The following DMXL1 variants were observed in gnomAD, a reference collection of about 807,000 sequenced individuals.
DMXL1 encodes dmX-like protein 1.
Under a neutral mutation model 319.2 loss-of-function variants are expected in DMXL1, and 99 were observed. The observed-to-expected ratio is 0.31, with a 90% CI of 0.26 to 0.37. The LOEUF (loss-of-function observed/expected upper bound fraction) is 0.37. Among genes scored for constraint, DMXL1 ranks in the 10% least tolerant of loss-of-function variants. The pLI, the probability that DMXL1 is intolerant of heterozygous loss-of-function variation, is 1.00. For synonymous variants in DMXL1, 1,385 were observed against 1,235.2 expected (o/e 1.12, Z -2.54); for missense variants, 3,745 against 3,595.6 (o/e 1.04, Z -1.06).
chr5:119,170,201 T>G lies in DMXL1; in HGVS notation c.5410T>G (p.Ser1804Ala). 1 of 1,592,216 alleles carries G rather than the reference T, an allele frequency of 6.3e-7. No homozygotes were observed. Among genetic ancestry groups the G allele is most frequent in the Non-Finnish European group, 8.5e-7 (1 of 1,172,448 alleles). Residue 1804 changes from serine to alanine, a missense_variant, in exon 24 of 44, where the codon TCA becomes GCA. By Grantham distance (99) the Ser-to-Ala change is moderately conservative. Around this residue, in one of 4 missense-constraint regions of DMXL1, gnomAD observed 1,382 missense variants for 1,269.5 expected, o/e 1.09. Transcript: ENST00000539542. ...PIRENDDQVL[S>A]ASNPTVFNFY... ...GAATTTACTTTCAGATCAAGTTTTATCAGCCAGTAATCCTACAGTTTTTAA... is the reference window on the plus strand; with the variant it reads ...GAATTTACTTTCAGATCAAGTTTTAGCAGCCAGTAATCCTACAGTTTTTAA...
intron 2 of DMXL1, among the ~76,000 whole-genome samples, chr5:119,098,382 A>G (rs1756462904): frequency 6.6e-6 from 1 of 152,146 alleles, no homozygotes; most frequent in Non-Finnish European, 1.5e-5. Context: ...AGGTGATTGG[A>G]CTGGGGGAAA....
rs1294955065 is a variant in DMXL1 at position 119,165,332 on chromosome 5, T to A, written c.4970+52T>A. Reference sequence around the variant, plus strand: ...GTGCTTCAATGTGAAAACCTGTTCATAAGAAGTAAATGAATGAAGTAAGAT... The same window carrying A: ...GTGCTTCAATGTGAAAACCTGTTCAAAAGAAGTAAATGAATGAAGTAAGAT... On this transcript the variant is annotated intron_variant, in intron 21 of 43. Coordinates refer to ENST00000539542, the MANE Select transcript of DMXL1 (RefSeq NM_001290321.3). The A allele has an allele frequency of 4.2e-6, 4 of 952,570 alleles. No individual in the cohort carries two copies. In the African/African-American group the frequency reaches 6.7e-5, roughly 16 times the overall value. The allele number at this position is 952,570 out of a possible 1,614,324, so 59.0% of individuals were successfully genotyped here. A position where few individuals can be genotyped will look rare whatever the true frequency, so the allele number is the denominator to read the frequency against.
At chr5:119,126,236 T>C (rs1443012160) in intron 9 of DMXL1, among the ~76,000 whole-genome samples, 1 of 152,174 alleles carries the variant, frequency 6.6e-6, no homozygotes, top group African/African-American at 2.4e-5. Flanking sequence ...TGAGCTGAGA[T>C]TGCGCCATTG....
At chr5:119,175,037 T>C (rs561001272) in intron 25 of DMXL1, among the ~76,000 whole-genome samples, 34 of 152,312 alleles carry the variant, frequency 2.2e-4, no homozygotes, top group African/African-American at 7.9e-4. Context: ...CAAATGTGTG[T>C]TTTATAATTT....
chr5:119,178,710 T>C (rs767840587), intron 28 of DMXL1: 84 of 944,982 alleles, frequency 8.9e-5, no homozygotes, highest in Non-Finnish European at 1.0e-4. Flanking sequence ...GCTTTAGAAA[T>C]AGGCTTTTAT....
At chr5:119,136,529 A>C (rs541103376) in intron 13 of DMXL1, among the ~76,000 whole-genome samples, 3 of 152,258 alleles carry the variant, frequency 2.0e-5, no homozygotes, top group African/African-American at 7.2e-5. Flanking sequence ...GGACATGTCA[A>C]AGATCTTCAT....
intron 32 of DMXL1, among the ~76,000 whole-genome samples, chr5:119,201,878 G>A (rs2150443906): frequency 6.6e-6 from 1 of 152,270 alleles, no homozygotes; most frequent in Non-Finnish European, 1.5e-5. Flanking sequence ...AGTAGTTTCT[G>A]ATGGTTATTT....
intron 11 of DMXL1, 45 bp from the exon 12 acceptor site, chr5:119,133,449 T>C (rs756723819): frequency 1.9e-5 from 30 of 1,572,532 alleles, no homozygotes; most frequent in Non-Finnish European, 2.6e-5. Flanking sequence ...CTAATACCTC[T>C]TTATATAATT....
At position 119,110,539 on chromosome 5, in the gene DMXL1, T is replaced by C. The variant is rs528001239; in HGVS notation, c.497+256T>C. The stretch of plus-strand genomic sequence containing the variant: ...GACCATTAAATACAAACTTGCCAAA[T>C]TATATGAAAAGATAGATGACTTTCA... On this transcript the variant is annotated intron_variant, in intron 5 of 43. Coordinates refer to ENST00000539542, the MANE Select transcript of DMXL1 (RefSeq NM_001290321.3). 5.9e-4 allele frequency among the ~76,000 whole-genome samples: 90 copies of C among 152,304 alleles called. 1 individual carries two copies. The highest frequency in any genetic ancestry group is 2.3e-3 in the South Asian group (11 of 4,828).
At chr5:119,157,697 T>G (rs1338041928) in intron 19 of DMXL1, among the ~76,000 whole-genome samples, 1 of 152,234 alleles carries the variant, frequency 6.6e-6, no homozygotes, top group Non-Finnish European at 1.5e-5. Flanking sequence ...TTTACACCAG[T>G]ATCATGCTAT....
intron 25 of DMXL1, among the ~76,000 whole-genome samples, chr5:119,173,776 G>GTGTGTGTATATATATATATATATATATA: frequency 6.0e-4 from 40 of 67,164 alleles, no homozygotes; most frequent in African/African-American, 2.1e-3. Flanking sequence ...ATGTGTGTGT[G>GTGTGTGTATATATATATATATATATATA]TATATATATA....
intron 32 of DMXL1, among the ~76,000 whole-genome samples, chr5:119,202,864 C>CATATATATATATATATTTATAT (rs1561865071): frequency 1.3e-5 from 1 of 74,316 alleles, no homozygotes; most frequent in African/African-American, 4.4e-5. Context: ...AATATACATA[C>CATATATATATATATATTTATAT]ATATATATAT....
rs138077403 is a variant in DMXL1 at position 119,120,058 on chromosome 5, T to G, written c.934-913T>G. On this transcript the variant is annotated intron_variant, in intron 8 of 43. Transcript: ENST00000539542. ...ACCACGCCTGGCTAATTTTTGTATT[T>G]AAAGTGGAGATGGGGTTTTGCCATG... is the stretch of plus-strand genomic sequence containing the variant. Among the ~76,000 whole-genome samples, 6 of 152,002 alleles carry G rather than the reference T, an allele frequency of 3.9e-5. No homozygotes were observed. In the East Asian group the frequency reaches 1.2e-3, roughly 30 times the overall value.
intron 38 of DMXL1, among the ~76,000 whole-genome samples, chr5:119,225,480 C>G (rs143995070): frequency 1.3e-5 from 2 of 151,744 alleles, no homozygotes; most frequent in African/African-American, 4.8e-5. Context: ...TTATGCCCTT[C>G]GTCAAATTGT....
intron 1 of DMXL1, 105 bp downstream of exon 1, chr5:119,071,761 C>T: frequency 9.6e-7 from 1 of 1,046,448 alleles, no homozygotes; most frequent in South Asian, 1.6e-5. Flanking sequence ...TCTTGTCTCC[C>T]CAGGGGGGTC....
intron 1 of DMXL1, among the ~76,000 whole-genome samples, chr5:119,074,868 T>G (rs927230455): frequency 4.6e-5 from 7 of 152,250 alleles, no homozygotes; most frequent in African/African-American, 1.7e-4. Flanking sequence ...TTGGAGTTGA[T>G]TTCCAATGTG....
chr5:119,112,820 G>C (rs1328984716), intron 5 of DMXL1, among the ~76,000 whole-genome samples: 1 of 152,102 alleles, frequency 6.6e-6, no homozygotes, highest in Non-Finnish European at 1.5e-5. Flanking sequence ...AGCCAGGCGT[G>C]GTGGTGCATG....
intron 28 of DMXL1, among the ~76,000 whole-genome samples, chr5:119,185,218 T>A (rs1160079283): frequency 6.6e-6 from 1 of 152,026 alleles, no homozygotes; most frequent in Non-Finnish European, 1.5e-5. Context: ...CCTTCCCTTC[T>A]CCTTCTGCCC....
chr5:119,129,760 A>G (rs1764403471), intron 10 of DMXL1, among the ~76,000 whole-genome samples: 1 of 152,256 alleles, frequency 6.6e-6, no homozygotes, highest in African/African-American at 2.4e-5. Flanking sequence ...CCAAACCAGA[A>G]TCTGCAATTT....
Sources: allele counts gnomAD v4.1 joint callset (sites outside exome capture counted in the v4.1 genomes callset), GRCh38; gene constraint gnomAD v4.1.1; regional missense constraint gnomAD v4.1.1; transcripts MANE v1.5; gene names NCBI Gene and HGNC (gene_info 2026-07-23, HGNC 2026-07-21).